Variants in GOLGA8A observed in about 807,000 individuals in gnomAD.
GOLGA8A encodes the protein golgin subfamily A member 8A.
GOLGA8A carries 3 observed loss-of-function variants against 22.1 expected under a neutral mutation model. That is an observed-to-expected ratio of 0.14 (90% CI 0.06 to 0.35). The LOEUF is 0.35. Ranked by LOEUF, GOLGA8A falls within the 10% of genes least tolerant of loss-of-function variation. GOLGA8A has a pLI of 1.00. For synonymous variants in GOLGA8A, 7 were observed against 91.7 expected, an observed-to-expected ratio of 0.08 and a Z score of 5.28; for missense variants, 16 against 233.2, an observed-to-expected ratio of 0.07 and a Z score of 6.07.
At chr15:34,429,396 C>G (rs1400684827) in intron 2 of GOLGA8A, among the ~76,000 whole-genome samples, 1 of 146,128 alleles carries the variant, frequency 6.8e-6, no homozygotes, top group East Asian at 2.0e-4. Flanking sequence ...CTGCCAAAAA[C>G]TTGGCCCTCC....
chr15:34,427,385 C>T (rs1790695826), intron 2 of GOLGA8A, among the ~76,000 whole-genome samples: 1 of 145,636 alleles, frequency 6.9e-6, no homozygotes, highest in African/African-American at 2.6e-5. Flanking sequence ...TTTGCTTCCA[C>T]ACATAGAAAA....
intron 2 of GOLGA8A, among the ~76,000 whole-genome samples, chr15:34,430,581 A>G (rs76829185): frequency 6.7e-6 from 1 of 149,288 alleles, no homozygotes; most frequent in East Asian, 2.0e-4. Context: ...CTCAGCTGAC[A>G]GCTTTCACGC....
intron 2 of GOLGA8A, among the ~76,000 whole-genome samples, chr15:34,433,550 C>G (rs1893351487): frequency 1.3e-5 from 2 of 149,180 alleles, no homozygotes; most frequent in Non-Finnish European, 3.0e-5. Flanking sequence ...TCTTGACTGC[C>G]CACTGAATGA....
Position 34,379,624 on chromosome 15 carries a change from T to A in GOLGA8A, c.*1787A>T, listed in dbSNP as rs1891377803. 6.6e-6 allele frequency: 1 copy of A among 152,636 alleles called. No individual in the cohort carries two copies. Among genetic ancestry groups the A allele is most frequent in the South Asian group, 2.1e-4 (1 of 4,830 alleles). The allele number at this position is 152,636 out of a possible 1,614,324, so 9.5% of individuals were successfully genotyped here. ...TGCTCTCCTGTTAATCTCACATTTA[T>A]AAAAGGATCATGAGGCTGCCAAGTG... On this transcript the variant is annotated 3_prime_UTR_variant, in exon 25 of 25. Transcript: ENST00000359187.
At chr15:34,431,995 GACTC>G (rs1175475327) in intron 2 of GOLGA8A, among the ~76,000 whole-genome samples, 6 of 148,746 alleles carry the variant, frequency 4.0e-5, no homozygotes, top group African/African-American at 7.5e-5. Context: ...AGTGTTCTCC[GACTC>G]ACTATTTACT....
chr15:34,432,294 A>ACGTGCCCACCAGTGGTCATGAGTCCTAGT (rs1893290792), intron 2 of GOLGA8A, among the ~76,000 whole-genome samples: 1 of 148,510 alleles, frequency 6.7e-6, no homozygotes, highest in Non-Finnish European at 1.5e-5. Flanking sequence ...TAGCACCTTT[A>ACGTGCCCACCAGTGGTCATGAGTCCTAGT]CGTGCCCACC....
At position 34,435,982 on chromosome 15, in the gene GOLGA8A, C is replaced by T. The variant is rs1320718508; in HGVS notation, c.-1211-511G>A. Among the ~76,000 whole-genome samples, 3 of 149,372 alleles carry T rather than the reference C, an allele frequency of 2.0e-5. 1 individual carries two copies. The highest frequency in any genetic ancestry group is 4.5e-5 in the Non-Finnish European group (3 of 67,152). ...GGATCCTAAGCTCAGGAGACCCTCT[C>T]CAGCCCAGGCTGTGGGGGAAGGCAG... On this transcript the variant is annotated intron_variant, in intron 1 of 24. Transcript: ENST00000359187.
At position 34,379,137 on chromosome 15, in the gene GOLGA8A, CAA is replaced by C. The variant is rs1891349070; in HGVS notation, c.*2272_*2273del. On this transcript the variant is annotated 3_prime_UTR_variant, in exon 25 of 25. Coordinates refer to ENST00000359187, the MANE Select transcript of GOLGA8A (RefSeq NM_181077.5). ...CAGCAGTCAATAATGCCACTTTAAGCAAAAGTCTTTCAGTATTTCCGTTACAC... is the reference window on the plus strand; with the variant it reads ...CAGCAGTCAATAATGCCACTTTAAGCAAGTCTTTCAGTATTTCCGTTACAC... The C allele has an allele frequency of 6.6e-6, 1 of 152,588 alleles. No homozygotes were observed. Among genetic ancestry groups the C allele is most frequent in the Non-Finnish European group, 1.5e-5 (1 of 68,022 alleles). The allele number at this position is 152,588 out of a possible 1,614,324, so 9.5% of individuals were successfully genotyped here. A position where few individuals can be genotyped will look rare whatever the true frequency, so the allele number is the denominator to read the frequency against.
intron 2 of GOLGA8A, among the ~76,000 whole-genome samples, chr15:34,432,114 T>C (rs1459628466): frequency 2.0e-5 from 3 of 149,250 alleles, no homozygotes; most frequent in African/African-American, 4.9e-5. Flanking sequence ...CCATGTTGGC[T>C]TCAAGTGCAA....
chr15:34,431,324 T>C (rs1372480013), intron 2 of GOLGA8A, among the ~76,000 whole-genome samples: 6 of 19,986 alleles, frequency 3.0e-4, no homozygotes, highest in African/African-American at 5.9e-4. Context: ...TATATATATA[T>C]ATATATATAT....
Position 34,427,703 on chromosome 15 carries a change from C to T in GOLGA8A, c.-1123+7680G>A, listed in dbSNP as rs185455524. Among the ~76,000 whole-genome samples the T allele has an allele frequency of 1.3e-3, 198 of 148,656 alleles. 14 individuals are homozygous for T. The highest frequency in any genetic ancestry group is 4.7e-3 in the African/African-American group (190 of 40,328). On this transcript the variant is annotated intron_variant, in intron 2 of 24. Transcript: ENST00000359187. ...TGTGGAGTCCTAGGCGGTTGAGGAA[C>T]TGGGGGAGGGCTTGGTTTCAACCTA...
At chr15:34,431,295 A>T (rs1340535006) in intron 2 of GOLGA8A, among the ~76,000 whole-genome samples, 2 of 9,554 alleles carry the variant, frequency 2.1e-4, no homozygotes, top group South Asian at 0.018. Context: ...AAAAAATTAT[A>T]TATATATATA....
At chr15:34,436,631 A>G (rs932136658) in intron 1 of GOLGA8A, among the ~76,000 whole-genome samples, 1 of 149,916 alleles carries the variant, frequency 6.7e-6, no homozygotes, top group Non-Finnish European at 1.5e-5. Context: ...CCCGGAGAAA[A>G]GGAAGTTCGC....
rs1444881999 is a variant in GOLGA8A at position 34,437,604 on chromosome 15, T to G, written c.-1418A>C. On this transcript the variant is annotated 5_prime_UTR_variant, in exon 1 of 25. Coordinates refer to ENST00000359187, the MANE Select transcript of GOLGA8A (RefSeq NM_181077.5). ...CGCCGCCGTCCTCGCCGCGCCGCCG[T>G]CCTCGCCGCGCCGCCGTCCTCGCCG... 1 of 3,970 alleles carries G rather than the reference T, an allele frequency of 2.5e-4. No individual in the cohort carries two copies. Among genetic ancestry groups the G allele is most frequent in the African/African-American group, 9.5e-4 (1 of 1,050 alleles). 0.2% of individuals were successfully genotyped at this position (3,970 alleles called of 1,614,324 possible). A position where few individuals can be genotyped will look rare whatever the true frequency, so the allele number is the denominator to read the frequency against.
At chr15:34,420,150 A>G (rs1248598016) in intron 2 of GOLGA8A, 16 of 148,232 alleles carry the variant, frequency 1.1e-4, no homozygotes, top group Non-Finnish European at 2.4e-4. Context: ...AAGAAAATTA[A>G]GATATCCTTG....
chr15:34,436,427 G>A (rs1893514895), intron 1 of GOLGA8A, among the ~76,000 whole-genome samples: 1 of 149,836 alleles, frequency 6.7e-6, no homozygotes, highest in Non-Finnish European at 1.5e-5. Context: ...TTTAGGAGCT[G>A]ACTGCACTCA....
intron 2 of GOLGA8A, among the ~76,000 whole-genome samples, chr15:34,420,630 C>T (rs1423652238): frequency 2.8e-4 from 37 of 132,394 alleles, no homozygotes; most frequent in African/African-American, 1.0e-3. Context: ...ATGTCAAGAA[C>T]CTGAGTTTCT....
chr15:34,427,651 CT>C lies in GOLGA8A; in HGVS notation c.-1123+7731del, dbSNP rs1893041686. On this transcript the variant is annotated intron_variant, in intron 2 of 24. Coordinates refer to ENST00000359187, the MANE Select transcript of GOLGA8A (RefSeq NM_181077.5). ...ACTAGGCCAAGCTTCAAAAGGCAGC[CT>C]GCCAGCCATCGGACTCCCAGGCACC... Among the ~76,000 whole-genome samples, 2 of 145,050 alleles carry C rather than the reference CT, an allele frequency of 1.4e-5. 1 individual carries two copies. Among genetic ancestry groups the C allele is most frequent in the South Asian group, 4.8e-4 (2 of 4,138 alleles).
chr15:34,381,688 G>A lies in GOLGA8A; in HGVS notation c.1609+13C>T, dbSNP rs1595634122. On this transcript the variant is annotated intron_variant, in intron 24 of 24. Coordinates refer to ENST00000359187, the MANE Select transcript of GOLGA8A (RefSeq NM_181077.5). ...GCTCCTGCCTGCTCACCCCGCCTGG[G>A]GGCTCTACTCACCACCATGCTTGTC... 1 of 1,384,394 alleles carries A rather than the reference G, an allele frequency of 7.2e-7. No homozygotes were observed. The highest frequency in any genetic ancestry group is 1.3e-5 in the South Asian group (1 of 79,642). The allele number at this position is 1,384,394 out of a possible 1,614,324, so 85.8% of individuals were successfully genotyped here. A position where few individuals can be genotyped will look rare whatever the true frequency, so the allele number is the denominator to read the frequency against.
Sources: allele counts gnomAD v4.1 joint callset (sites outside exome capture counted in the v4.1 genomes callset), GRCh38; gene constraint gnomAD v4.1.1; transcripts MANE v1.5; gene names NCBI Gene and HGNC (gene_info 2026-07-23, HGNC 2026-07-21).